The following HS3ST4 variants were observed in gnomAD, a reference collection of about 807,000 sequenced individuals.
HS3ST4 encodes the protein heparan sulfate glucosamine 3-O-sulfotransferase 4.
HS3ST4 carries 17 observed loss-of-function variants against 29.2 expected under a neutral mutation model. The observed-to-expected ratio is 0.58, with a 90% CI of 0.40 to 0.87. The LOEUF is 0.87. HS3ST4 is among the 40% of genes least tolerant of loss of function. HS3ST4 has a pLI of 0.00. For missense variants in HS3ST4, 627 were observed against 634.5 expected (o/e 0.99, Z 0.13); for synonymous variants, 314 against 285.7 (o/e 1.10, Z -1.00).
At chr16:26,095,275 A>G (rs1898908721) in intron 1 of HS3ST4, among the ~76,000 whole-genome samples, 2 of 152,226 alleles carry the variant, frequency 1.3e-5, no homozygotes, top group Non-Finnish European at 2.9e-5. Flanking sequence ...CCTAATAGAC[A>G]TCTACAGAAC....
At chr16:26,134,357 CTTTTCTTTTTT>C (rs1274466135) in intron 1 of HS3ST4, among the ~76,000 whole-genome samples, 1 of 109,066 alleles carries the variant, frequency 9.2e-6, no homozygotes, top group East Asian at 3.0e-4. Flanking sequence ...CTTTTCTTTT[CTTTTCTTTTTT>C]TTTTTTTTGA....
chr16:25,830,949 A>C (rs908131340), intron 1 of HS3ST4, among the ~76,000 whole-genome samples: 1 of 151,920 alleles, frequency 6.6e-6, no homozygotes, highest in Non-Finnish European at 1.5e-5. Context: ...ATCAACTCTA[A>C]ACTCCATATT....
intron 1 of HS3ST4, among the ~76,000 whole-genome samples, chr16:25,978,944 T>TTTG (rs904864067): frequency 7.4e-5 from 11 of 148,480 alleles, no homozygotes; most frequent in Non-Finnish European, 1.3e-4. Context: ...CTCTTTTTGT[T>TTTG]TTTTTTTTTT....
chr16:26,136,155 C>T lies in HS3ST4; in HGVS notation c.1278C>T (p.His426=). 1 of 1,613,342 alleles carries T rather than the reference C, an allele frequency of 6.2e-7. No individual in the cohort carries two copies. The highest frequency in any genetic ancestry group is 8.5e-7 in the Non-Finnish European group (1 of 1,179,620). ...THPRIDPDVI[H]RLRKFYKPFN... The stretch of plus-strand genomic sequence containing the variant: ...CTCGCATTGACCCAGATGTCATCCA[C>T]AGACTGAGGAAATTCTACAAACCCT... Residue 426 remains histidine, a synonymous_variant, in exon 2 of 2, where the codon CAC becomes CAT. Coordinates refer to ENST00000331351, the MANE Select transcript of HS3ST4 (RefSeq NM_006040.3).
intron 1 of HS3ST4, among the ~76,000 whole-genome samples, chr16:25,742,729 C>T (rs1287449412): frequency 6.6e-6 from 1 of 152,216 alleles, no homozygotes; most frequent in Non-Finnish European, 1.5e-5. Flanking sequence ...GTTTTACTCT[C>T]AGCATGCAGT....
intron 1 of HS3ST4, among the ~76,000 whole-genome samples, chr16:26,006,579 G>A (rs959874867): frequency 6.6e-6 from 1 of 152,098 alleles, no homozygotes; most frequent in African/African-American, 2.4e-5. Context: ...GGATAGTTTG[G>A]CAGGCAAGGG....
At chr16:25,755,006 ATCCATCCATCTG>A (rs1392602135) in intron 1 of HS3ST4, among the ~76,000 whole-genome samples, 1 of 151,492 alleles carries the variant, frequency 6.6e-6, no homozygotes, top group East Asian at 1.9e-4. Context: ...TCTACCCATC[ATCCATCCATCTG>A]TCCATCCATC....
chr16:26,131,170 A>G (rs1355341385), intron 1 of HS3ST4, among the ~76,000 whole-genome samples: 1 of 151,952 alleles, frequency 6.6e-6, no homozygotes, highest in Non-Finnish European at 1.5e-5. Context: ...CTCCACCTAC[A>G]CCCAGGCCCC....
intron 1 of HS3ST4, among the ~76,000 whole-genome samples, chr16:26,061,332 T>C (rs1273761476): frequency 2.0e-5 from 3 of 152,218 alleles, no homozygotes; most frequent in Non-Finnish European, 1.5e-5. Context: ...TTATACAGCA[T>C]GTACTTGTTG....
At position 25,922,863 on chromosome 16, in the gene HS3ST4, C is replaced by T. The variant is rs762449484; in HGVS notation, c.735-212749C>T. Among the ~76,000 whole-genome samples the T allele has an allele frequency of 3.9e-5, 6 of 152,144 alleles. No individual in the cohort carries two copies. The East Asian group carries it at 5.8e-4, about 15-fold the overall frequency. The stretch of plus-strand genomic sequence containing the variant: ...CTTTTGTCCATCAACCTTTAAGAAC[C>T]GTTGCCATATTGAATGCCTTTCCTT... On this transcript the variant is annotated intron_variant, in intron 1 of 1. Coordinates refer to ENST00000331351, the MANE Select transcript of HS3ST4 (RefSeq NM_006040.3).
intron 1 of HS3ST4, among the ~76,000 whole-genome samples, chr16:25,748,755 A>T (rs1338567759): frequency 6.6e-6 from 1 of 152,230 alleles, no homozygotes; most frequent in Non-Finnish European, 1.5e-5. Flanking sequence ...AGCTTATCTT[A>T]CTGGCTATTG....
chr16:25,790,605 A>C (rs1966867133), intron 1 of HS3ST4, among the ~76,000 whole-genome samples: 1 of 152,130 alleles, frequency 6.6e-6, no homozygotes, highest in Non-Finnish European at 1.5e-5. Context: ...GTAGTATATC[A>C]TGTGGTTTTA....
At chr16:25,762,066 C>A (rs1966791631) in intron 1 of HS3ST4, among the ~76,000 whole-genome samples, 1 of 151,998 alleles carries the variant, frequency 6.6e-6, no homozygotes. Context: ...GAGTGGAGTC[C>A]CCATGATAGG....
At chr16:26,013,050 C>T (rs1969325853) in intron 1 of HS3ST4, among the ~76,000 whole-genome samples, 1 of 152,124 alleles carries the variant, frequency 6.6e-6, no homozygotes, top group Non-Finnish European at 1.5e-5. Flanking sequence ...GTAATCCCAG[C>T]TACTCGGGAG....
chr16:25,929,531 A>G (rs1257943031), intron 1 of HS3ST4, among the ~76,000 whole-genome samples: 1 of 152,204 alleles, frequency 6.6e-6, no homozygotes, highest in African/African-American at 2.4e-5. Flanking sequence ...AAGACCAAAG[A>G]CAGGAAGACA....
At chr16:25,888,339 C>T (rs1418438124) in intron 1 of HS3ST4, among the ~76,000 whole-genome samples, 3 of 152,276 alleles carry the variant, frequency 2.0e-5, no homozygotes, top group African/African-American at 4.8e-5. Context: ...ATGATCTAAT[C>T]GGATTTTGGG....
At chr16:26,047,415 A>G (rs1350083915) in intron 1 of HS3ST4, among the ~76,000 whole-genome samples, 1 of 152,196 alleles carries the variant, frequency 6.6e-6, no homozygotes, top group Non-Finnish European at 1.5e-5. Context: ...TGGTGTGTGT[A>G]TATGTTCATG....
intron 1 of HS3ST4, among the ~76,000 whole-genome samples, chr16:25,978,223 A>G (rs770170864): frequency 3.2e-4 from 49 of 152,240 alleles, no homozygotes; most frequent in Non-Finnish European, 6.2e-4. Context: ...GCAGTGACCT[A>G]GGACAGTGAC....
chr16:25,946,559 T>C (rs1014141130), intron 1 of HS3ST4, among the ~76,000 whole-genome samples: 1 of 152,182 alleles, frequency 6.6e-6, no homozygotes, highest in Non-Finnish European at 1.5e-5. Context: ...CCAGGGAGTG[T>C]GCAAATGCTG....
Sources: allele counts gnomAD v4.1 joint callset (sites outside exome capture counted in the v4.1 genomes callset), GRCh38; gene constraint gnomAD v4.1.1; transcripts MANE v1.5; gene names NCBI Gene and HGNC (gene_info 2026-07-23, HGNC 2026-07-21).